MTPN: variants seen among roughly 807,000 people sequenced by gnomAD.
The protein encoded by MTPN is myotrophin.
In MTPN, 2 loss-of-function variants were observed where a neutral mutation model predicts 13.5. The observed-to-expected ratio is 0.15, with a 90% confidence interval of 0.06 to 0.47. The LOEUF is 0.47. MTPN is among the 20% of genes least tolerant of loss of function. The pLI, the probability that MTPN is intolerant of heterozygous loss-of-function variation, is 0.97. For missense variants in MTPN, 79 were observed against 137.9 expected (o/e 0.57, Z 2.14); for synonymous variants, 46 against 51.7 (o/e 0.89, Z 0.48).
chr7:135,964,479 G>C (rs905957449), intron 1 of MTPN, among the ~76,000 whole-genome samples: 1 of 151,990 alleles, frequency 6.6e-6, no homozygotes, highest in Non-Finnish European at 1.5e-5. Flanking sequence ...ATTAGGGCTG[G>C]GAAGAAAATT....
chr7:135,935,462 G>C (rs59657156), intron 3 of MTPN, among the ~76,000 whole-genome samples: 3 of 152,044 alleles, frequency 2.0e-5, no homozygotes, highest in Non-Finnish European at 4.4e-5. Flanking sequence ...GGCTGGCCTC[G>C]ATCTCCTGAC....
At position 135,952,191 on chromosome 7, in the gene MTPN, C is replaced by T. The variant is rs1029476911; in HGVS notation, c.73-561G>A. ...TGACTCCTGACTGTATGAAGCTTACCGTCTGGGGTTGGGGGGCAGATATTA... is the reference window on the plus strand; with the variant it reads ...TGACTCCTGACTGTATGAAGCTTACTGTCTGGGGTTGGGGGGCAGATATTA... On this transcript the variant is annotated intron_variant, in intron 1 of 3. Transcript: ENST00000393085. Among the ~76,000 whole-genome samples, 20 of 152,202 alleles carry T rather than the reference C, an allele frequency of 1.3e-4. 2 individuals carry two copies. Among genetic ancestry groups the T allele is most frequent in the Admixed American group, 1.1e-3 (17 of 15,294 alleles).
At chr7:135,937,838 CTACT>C (rs1252955386) in intron 3 of MTPN, among the ~76,000 whole-genome samples, 2 of 152,100 alleles carry the variant, frequency 1.3e-5, no homozygotes, top group African/African-American at 4.8e-5. Context: ...TTATGGTAAC[CTACT>C]TCCACTTAAT....
chr7:135,940,048 T>C (rs537964231), intron 3 of MTPN, among the ~76,000 whole-genome samples: 1 of 152,328 alleles, frequency 6.6e-6, no homozygotes, highest in African/African-American at 2.4e-5. Flanking sequence ...GTCAATTATT[T>C]TGAATCAATT....
chr7:135,957,993 G>C lies in MTPN; in HGVS notation c.73-6363C>G, dbSNP rs372417574. The stretch of plus-strand genomic sequence containing the variant: ...CCAAATAAACCTTGTTCTTTATAAA[G>C]TACTCAGCCTCAGATACTCCTTTGT... On this transcript the variant is annotated intron_variant, in intron 1 of 3. Transcript: ENST00000393085. Among the ~76,000 whole-genome samples the C allele has an allele frequency of 1.2e-4, 19 of 152,162 alleles. No individual in the cohort carries two copies. In the South Asian group the frequency reaches 1.9e-3, roughly 15 times the overall value.
intron 1 of MTPN, among the ~76,000 whole-genome samples, chr7:135,958,777 G>T (rs187708812): frequency 2.0e-5 from 3 of 152,276 alleles, no homozygotes; most frequent in South Asian, 2.1e-4. Context: ...GGGTCAGAGA[G>T]ACCTACCATC....
chr7:135,945,718 A>G (rs1301975720), intron 3 of MTPN, among the ~76,000 whole-genome samples: 1 of 152,118 alleles, frequency 6.6e-6, no homozygotes, highest in African/African-American at 2.4e-5. Flanking sequence ...TTTTTTTTTA[A>G]TAAGTAGAAG....
chr7:135,973,587 G>A (rs1385281071), intron 1 of MTPN, among the ~76,000 whole-genome samples: 1 of 152,050 alleles, frequency 6.6e-6, no homozygotes, highest in Non-Finnish European at 1.5e-5. Context: ...CATAAAGGCA[G>A]AAATGTAAGA....
chr7:135,938,344 C>A (rs892635430), intron 3 of MTPN, among the ~76,000 whole-genome samples: 1 of 152,076 alleles, frequency 6.6e-6, no homozygotes, highest in Non-Finnish European at 1.5e-5. Flanking sequence ...TCTTTAGCAA[C>A]CATGGTTTTG....
At chr7:135,971,961 T>C (rs1799699333) in intron 1 of MTPN, among the ~76,000 whole-genome samples, 1 of 152,174 alleles carries the variant, frequency 6.6e-6, no homozygotes, top group African/African-American at 2.4e-5. Flanking sequence ...TATGGACACG[T>C]CTTGAGTAAT....
At chr7:135,937,641 C>T (rs78482472) in intron 3 of MTPN, among the ~76,000 whole-genome samples, 1,887 of 152,192 alleles carry the variant, frequency 0.012, 43 homozygotes, top group African/African-American at 0.042. Flanking sequence ...ACACTTGACC[C>T]TTGAACGACA....
At chr7:135,969,443 A>G (rs1476450696) in intron 1 of MTPN, among the ~76,000 whole-genome samples, 2 of 151,650 alleles carry the variant, frequency 1.3e-5, no homozygotes, top group African/African-American at 4.8e-5. Flanking sequence ...CATTTTCCTA[A>G]TATCTGTTAT....
intron 3 of MTPN, among the ~76,000 whole-genome samples, chr7:135,942,149 A>G (rs1477293735): frequency 6.6e-6 from 1 of 152,030 alleles, no homozygotes; most frequent in Non-Finnish European, 1.5e-5. Context: ...TCGGCCTCCC[A>G]AAGTGCTGGG....
chr7:135,969,987 G>A (rs1799667774), intron 1 of MTPN, among the ~76,000 whole-genome samples: 1 of 152,194 alleles, frequency 6.6e-6, no homozygotes, highest in Non-Finnish European at 1.5e-5. Context: ...GCCAATGTGT[G>A]CCTAAGCTGA....
intron 1 of MTPN, among the ~76,000 whole-genome samples, chr7:135,952,516 T>C (rs12531496): frequency 0.27 from 40,798 of 152,046 alleles, 5,663 homozygotes; most frequent in African/African-American, 0.27. Flanking sequence ...ACTCTAAAGC[T>C]GAAGAGGTTA....
chr7:135,950,703 A>T (rs767911590), intron 2 of MTPN, 21 bp from the exon 3 acceptor site: 2 of 1,550,920 alleles, frequency 1.3e-6, no homozygotes, highest in South Asian at 2.3e-5. Flanking sequence ...ATAAACAGAG[A>T]TAACTTTATC....
chr7:135,975,354 G>A (rs184483550), intron 1 of MTPN, among the ~76,000 whole-genome samples: 1 of 152,292 alleles, frequency 6.6e-6, no homozygotes, highest in East Asian at 1.9e-4. Flanking sequence ...GAGATAGTGC[G>A]TGGAGCAGTT....
intron 3 of MTPN, among the ~76,000 whole-genome samples, chr7:135,939,949 C>T (rs1799182760): frequency 6.6e-6 from 1 of 152,112 alleles, no homozygotes; most frequent in South Asian, 2.1e-4. Flanking sequence ...CCTTAGTGAA[C>T]ACAAGCATCC....
At chr7:135,966,429 A>G (rs1799606579) in intron 1 of MTPN, among the ~76,000 whole-genome samples, 1 of 152,138 alleles carries the variant, frequency 6.6e-6, no homozygotes, top group Non-Finnish European at 1.5e-5. Flanking sequence ...ACCATCATGC[A>G]TATCCCTAAG....
Sources: allele counts gnomAD v4.1 joint callset (sites outside exome capture counted in the v4.1 genomes callset), GRCh38; gene constraint gnomAD v4.1.1; transcripts MANE v1.5; gene names NCBI Gene and HGNC (gene_info 2026-07-23, HGNC 2026-07-21).